PROX2: variants seen among roughly 807,000 people sequenced by gnomAD.
PROX2 encodes the protein prospero homeobox protein 2.
A neutral mutation model predicts 48.9 loss-of-function variants in PROX2; 46 were observed. The observed-to-expected ratio is 0.94, with a 90% CI of 0.74 to 1.20. The LOEUF (loss-of-function observed/expected upper bound fraction) is 1.20, where lower values mean the gene tolerates loss of function less well. PROX2 is among the 50% of genes most tolerant of loss of function. The probability of loss-of-function intolerance (pLI) is 0.00; values close to 1 mark genes in which losing one functional copy is unlikely to be tolerated. For missense variants in PROX2, 663 were observed against 719.4 expected, an observed-to-expected ratio of 0.92 and a Z score of 0.90; for synonymous variants, 260 against 276.6, an observed-to-expected ratio of 0.94 and a Z score of 0.60.
intron 3 of PROX2, among the ~76,000 whole-genome samples, chr14:74,862,160 C>G (rs1294257222): frequency 6.6e-6 from 1 of 152,206 alleles, no homozygotes; most frequent in Non-Finnish European, 1.5e-5. Flanking sequence ...CCCAGCTCCT[C>G]TTCAACTTTT....
Position 74,865,701 on chromosome 14 carries a change from GGC to G in PROX2, c.-174-1695_-174-1694del, listed in dbSNP as rs1883041118. Among the ~76,000 whole-genome samples, 7 of 151,788 alleles carry G rather than the reference GGC, an allele frequency of 4.6e-5. No homozygotes were observed. The South Asian group carries it at 1.5e-3, about 32-fold the overall frequency. ...AAAAAATTAGCCAGGCGTGGTGGCG[GGC>G]GCCTATAGTCCCAGCTACTCGGGAG... On this transcript the variant is annotated intron_variant, in intron 2 of 5. Coordinates refer to ENST00000556489, the MANE Select transcript of PROX2 (RefSeq NM_001243007.2).
intron 2 of PROX2, among the ~76,000 whole-genome samples, chr14:74,866,708 A>G (rs1336616205): frequency 1.3e-5 from 2 of 152,222 alleles, no homozygotes; most frequent in African/African-American, 4.8e-5. Context: ...GGGAGAGGAC[A>G]AGAAGAGGAG....
In PROX2 at chr14:74,855,100, C is replaced by T; in HGVS notation, c.*32G>A. The T allele has an allele frequency of 1.4e-6, 2 of 1,450,576 alleles. No individual in the cohort carries two copies. Among genetic ancestry groups the T allele is most frequent in the Non-Finnish European group, 1.8e-6 (2 of 1,082,846 alleles). The allele number at this position is 1,450,576 out of a possible 1,614,324, so 89.9% of individuals were successfully genotyped here. A position where few individuals can be genotyped will look rare whatever the true frequency, so the allele number is the denominator to read the frequency against. ...ACCCAGGAAACCCTAGCCAGTCACT[C>T]CTCACGTTGTGGGATCTTAACCCCG... On this transcript the variant is annotated 3_prime_UTR_variant, in exon 6 of 6. Coordinates refer to ENST00000556489, the MANE Select transcript of PROX2 (RefSeq NM_001243007.2).
intron 1 of PROX2, chr14:74,873,741 GA>G: frequency 2.1e-6 from 1 of 465,594 alleles, no homozygotes; most frequent in Admixed American, 2.4e-5. Flanking sequence ...GGATGGATTC[GA>G]AAAGGCCAAG....
chr14:74,863,284 C>T lies in PROX2; in HGVS notation c.551G>A (p.Arg184His), dbSNP rs201963977. ...SAKQGNGCGP[R>H]PWVVDGDHQQ... is the part of the protein sequence containing the mutation. ...GTGGTCACCGTCCACAACCCAGGGG[C>T]GAGGCCCACAGCCATTCCCCTGCTT... Residue 184 changes from arginine (R) to histidine (H), a missense_variant, in exon 3 of 6, where the codon CGC becomes CAC. Coordinates refer to ENST00000556489, the MANE Select transcript of PROX2 (RefSeq NM_001243007.2). 4.3e-6 allele frequency: 7 copies of T among 1,613,932 alleles called. No individual in the cohort carries two copies. Among genetic ancestry groups the T allele is most frequent in the South Asian group, 2.2e-5 (2 of 91,076 alleles).
chr14:74,865,077 G>A (rs57650551), intron 2 of PROX2, among the ~76,000 whole-genome samples: 6 of 151,440 alleles, frequency 4.0e-5, no homozygotes, highest in Admixed American at 1.3e-4. Context: ...CCCAGGAGGC[G>A]GAGGTTGCAG....
chr14:74,863,591 G>T lies in PROX2; in HGVS notation c.244C>A (p.Leu82Met). The change falls in exon 3 of 6, where the codon CTG (leucine) becomes ATG (methionine). Residue 82 changes from leucine (L) to methionine (M), a missense_variant. Physicochemically the swap from Leu to Met is conservative, Grantham distance 15. Transcript: ENST00000556489. ...VRGMCLSPNP[L>M]VPGNAQAGVS... is the part of the protein sequence containing the mutation. ...CCAGCTTGCGCATTGCCTGGCACCA[G>T]AGGATTCGGGGAGAGACACATGCCT... 1 of 1,611,220 alleles carries T rather than the reference G, an allele frequency of 6.2e-7. No homozygotes were observed. The highest frequency in any genetic ancestry group is 8.5e-7 in the Non-Finnish European group (1 of 1,178,508).
rs551621082 is a variant in PROX2 at position 74,858,520 on chromosome 14, T to G, written c.1306-6A>C. ...GGGTTTAGACCCTCCTGGATTTATC[T>G]CAGTGTCAAGGAAAATGAACACTTT... On this transcript the variant is annotated splice_polypyrimidine_tract_variant and splice_region_variant and intron_variant, in intron 3 of 5. Coordinates refer to ENST00000556489, the MANE Select transcript of PROX2 (RefSeq NM_001243007.2). The G allele has an allele frequency of 6.7e-7, 1 of 1,501,752 alleles. No homozygotes were observed. Among genetic ancestry groups the G allele is most frequent in the African/African-American group, 1.4e-5 (1 of 72,664 alleles). 93.0% of individuals were successfully genotyped at this position (1,501,752 alleles called of 1,614,324 possible).
At chr14:74,874,521 G>C (rs934101642) in intron 1 of PROX2, among the ~76,000 whole-genome samples, 4 of 151,938 alleles carry the variant, frequency 2.6e-5, no homozygotes, top group African/African-American at 9.7e-5. Flanking sequence ...AAAGTGCTGG[G>C]ATTACAGGCG....
rs531418219 is a variant in PROX2 at position 74,861,901 on chromosome 14, T to C, written c.1305+629A>G. 7.2e-5 allele frequency among the ~76,000 whole-genome samples: 11 copies of C among 152,346 alleles called. No homozygotes were observed. In the South Asian group the frequency reaches 2.1e-3, roughly 29 times the overall value. On this transcript the variant is annotated intron_variant, in intron 3 of 5. Coordinates refer to ENST00000556489, the MANE Select transcript of PROX2 (RefSeq NM_001243007.2). Reference sequence around the variant, plus strand: ...CGTCATTCCTTTGACCCTCTCCTCCTAAGTTTATGGGTGGCTGACAACCAA... The same window carrying C: ...CGTCATTCCTTTGACCCTCTCCTCCCAAGTTTATGGGTGGCTGACAACCAA...
At chr14:74,875,747 C>G (rs1161442335) in intron 1 of PROX2, among the ~76,000 whole-genome samples, 148 bp downstream of exon 1, 1 of 152,174 alleles carries the variant, frequency 6.6e-6, no homozygotes, top group Non-Finnish European at 1.5e-5. Flanking sequence ...TACATATGAA[C>G]AATTGTTAAA....
Position 74,861,105 on chromosome 14 carries a change from T to C in PROX2, c.1305+1425A>G, listed in dbSNP as rs144219649. 4.9e-3 allele frequency: 3,648 copies of C among 744,412 alleles called. 13 individuals carry two copies. Among genetic ancestry groups the C allele is most frequent in the Middle Eastern group, 0.016 (43 of 2,672 alleles). 46.1% of individuals were successfully genotyped at this position (744,412 alleles called of 1,614,324 possible). On this transcript the variant is annotated intron_variant, in intron 3 of 5. Coordinates refer to ENST00000556489, the MANE Select transcript of PROX2 (RefSeq NM_001243007.2). ...ACTTTTGACCGGCAGGGGGCGCTCA[T>C]GGCATTTAGGACACAAAGGCAGGTT...
intron 5 of PROX2, 186 bp downstream of exon 5, chr14:74,856,615 T>A (rs1160312266): frequency 8.6e-6 from 5 of 583,848 alleles, no homozygotes; most frequent in African/African-American, 1.9e-5. Flanking sequence ...CTCAGTTTGC[T>A]GCTTCCACCT....
At chr14:74,872,661 A>G (rs1883242479) in intron 1 of PROX2, among the ~76,000 whole-genome samples, 1 of 152,178 alleles carries the variant, frequency 6.6e-6, no homozygotes, top group South Asian at 2.1e-4. Context: ...TAGCGTTTTT[A>G]TGCTTTTCAA....
chr14:74,862,628 A>G lies in PROX2; in HGVS notation c.1207T>C (p.Ser403Pro), dbSNP rs796682744. Residue 403 changes from serine (S) to proline (P), a missense_variant, in exon 3 of 6, where the codon TCT becomes CCT. Physicochemically the swap from Ser to Pro is moderately conservative, Grantham distance 74. Transcript: ENST00000556489. ...AGGGGTAGACTTTCCAGATGGGCAG[A>G]GGTGAAAGGCAAGGGACACTGCTGC... ...SQQQCPLPFT[S>P]AHLESLPLLP... 1.2e-6 allele frequency: 2 copies of G among 1,613,882 alleles called. No homozygotes were observed. The highest frequency in any genetic ancestry group is 2.7e-5 in the African/African-American group (2 of 74,914).
rs2091729710 is a variant in PROX2, at chr14:74,854,818, A to G, written c.*314T>C. On this transcript the variant is annotated 3_prime_UTR_variant, in exon 6 of 6. Coordinates refer to ENST00000556489, the MANE Select transcript of PROX2 (RefSeq NM_001243007.2). Reference sequence around the variant, plus strand: ...CTTAACAACCTCATTTTACAGATACAGAGATACCAGGAAGTTCCCAGGGTC... The same window carrying G: ...CTTAACAACCTCATTTTACAGATACGGAGATACCAGGAAGTTCCCAGGGTC... The G allele has an allele frequency of 4.9e-6, 1 of 203,060 alleles. No individual in the cohort carries two copies. Among genetic ancestry groups the G allele is most frequent in the African/African-American group, 2.3e-5 (1 of 43,416 alleles). 12.6% of individuals were successfully genotyped at this position (203,060 alleles called of 1,614,324 possible). A position where few individuals can be genotyped will look rare whatever the true frequency, so the allele number is the denominator to read the frequency against.
At chr14:74,857,635 C>T (rs1205758845) in intron 4 of PROX2, 1 of 152,314 alleles carries the variant, frequency 6.6e-6, no homozygotes, top group Admixed American at 6.5e-5. Context: ...CTTATTGTCA[C>T]ACTTCATCTG....
chr14:74,873,219 A>G (rs1428857502), intron 1 of PROX2, among the ~76,000 whole-genome samples: 2 of 152,212 alleles, frequency 1.3e-5, no homozygotes, highest in African/African-American at 2.4e-5. Flanking sequence ...TCCTGATCTC[A>G]TGATCTGCCC....
In PROX2 at chr14:74,855,321, C is replaced by A; in HGVS notation, c.1609-19G>T. 1 of 1,521,060 alleles carries A rather than the reference C, an allele frequency of 6.6e-7. No homozygotes were observed. The highest frequency in any genetic ancestry group is 8.9e-7 in the Non-Finnish European group (1 of 1,124,264). The allele number at this position is 1,521,060 out of a possible 1,614,324, so 94.2% of individuals were successfully genotyped here. The stretch of plus-strand genomic sequence containing the variant: ...CTGGAACCTGCATTTCCAAAGAGAC[C>A]CACAAGAAAGAAAAGACGTGAGGTT... On this transcript the variant is annotated intron_variant, in intron 5 of 5. Transcript: ENST00000556489.
Sources: gnomAD v4.1 joint callset for allele counts (sites outside exome capture counted in the v4.1 genomes callset) on GRCh38, gnomAD v4.1.1 for gene constraint, MANE v1.5 for transcripts, NCBI Gene and HGNC (gene_info 2026-07-23, HGNC 2026-07-21) for gene names.